The following FCHSD2 variants were observed in gnomAD, a reference collection of about 807,000 sequenced individuals.
The protein encoded by FCHSD2 is FCH and double SH3 domains 2, also known as F-BAR and double SH3 domains protein 2.
A neutral mutation model predicts 108.1 loss-of-function variants in FCHSD2; 38 were observed. The observed-to-expected ratio is 0.35, with a 90% CI of 0.27 to 0.46. The LOEUF (loss-of-function observed/expected upper bound fraction) is 0.46, where lower values mean the gene tolerates loss of function less well. Ranked by LOEUF, FCHSD2 falls within the 20% of genes least tolerant of loss-of-function variation. The probability of loss-of-function intolerance (pLI) is 1.00; values close to 1 mark genes in which losing one functional copy is unlikely to be tolerated. For synonymous variants in FCHSD2, 279 were observed against 314.7 expected (o/e 0.89, Z 1.20); for missense variants, 751 against 897.8 (o/e 0.84, Z 2.09).
intron 10 of FCHSD2, among the ~76,000 whole-genome samples, chr11:72,892,897 C>T (rs1054402472): frequency 3.5e-5 from 2 of 57,842 alleles, no homozygotes; most frequent in Non-Finnish European, 6.6e-5. Context: ...AGCCACCGTG[C>T]GTGGCTGGTA....
At chr11:72,844,026 A>G (rs1484212154) in intron 14 of FCHSD2, among the ~76,000 whole-genome samples, 1 of 151,968 alleles carries the variant, frequency 6.6e-6, no homozygotes, top group African/African-American at 2.4e-5. Context: ...CAAACAAAAA[A>G]AGAGAGCACT....
At chr11:73,051,203 G>A (rs1858890670) in intron 3 of FCHSD2, among the ~76,000 whole-genome samples, 1 of 152,018 alleles carries the variant, frequency 6.6e-6, no homozygotes, top group Non-Finnish European at 1.5e-5. Flanking sequence ...TGCTGCCAGT[G>A]GTGTTGCATG....
intron 4 of FCHSD2, among the ~76,000 whole-genome samples, chr11:73,013,483 G>A (rs1331903574): frequency 2.6e-5 from 4 of 152,220 alleles, no homozygotes; most frequent in Non-Finnish European, 5.9e-5. Flanking sequence ...TAATCCTAAG[G>A]TCTACTTTAA....
In FCHSD2 at chr11:73,018,843, A is replaced by G. The variant is rs536885732; in HGVS notation, c.166-2958T>C. ...GACCATCTTCACTATTTTAAGAGAA[A>G]TATGTGTGGGTATTCCAAAGCAGTT... On this transcript the variant is annotated intron_variant, in intron 3 of 19. Coordinates refer to ENST00000409418, the MANE Select transcript of FCHSD2 (RefSeq NM_014824.3). Among the ~76,000 whole-genome samples the G allele has an allele frequency of 3.9e-5, 6 of 152,190 alleles. No individual in the cohort carries two copies. In the South Asian group the frequency reaches 1.2e-3, roughly 31 times the overall value.
At chr11:73,015,744 C>A in intron 4 of FCHSD2, 65 bp downstream of exon 4, 2 of 903,368 alleles carry the variant, frequency 2.2e-6, no homozygotes, top group Non-Finnish European at 3.5e-6. Flanking sequence ...GTTACATTAT[C>A]TATATGTAAC....
chr11:72,894,706 T>C (rs1206695384), intron 10 of FCHSD2, among the ~76,000 whole-genome samples: 1 of 152,146 alleles, frequency 6.6e-6, no homozygotes, highest in Non-Finnish European at 1.5e-5. Context: ...ATTCTGAAAT[T>C]CAAAATGCTC....
chr11:72,850,291 C>T (rs1428175953), intron 13 of FCHSD2, among the ~76,000 whole-genome samples: 2 of 151,988 alleles, frequency 1.3e-5, no homozygotes, highest in Admixed American at 1.3e-4. Context: ...TCTTGAACTC[C>T]TGGCCTCAAG....
intron 3 of FCHSD2, among the ~76,000 whole-genome samples, chr11:73,066,293 A>G (rs1859290657): frequency 6.6e-6 from 1 of 152,212 alleles, no homozygotes; most frequent in African/African-American, 2.4e-5. Flanking sequence ...CTGGCTAGCC[A>G]TATGCAGAAA....
chr11:73,088,202 T>G (rs1859869233), intron 2 of FCHSD2, among the ~76,000 whole-genome samples: 1 of 152,222 alleles, frequency 6.6e-6, no homozygotes, highest in Non-Finnish European at 1.5e-5. Context: ...ATATTTTTGT[T>G]GTATCTTTCC....
chr11:72,846,422 C>T (rs1419315774), intron 14 of FCHSD2, among the ~76,000 whole-genome samples: 1 of 152,104 alleles, frequency 6.6e-6, no homozygotes. Context: ...CCTCGCGATT[C>T]GCCCGCCTTG....
chr11:73,032,900 C>T (rs897042479), intron 3 of FCHSD2, among the ~76,000 whole-genome samples: 1 of 152,056 alleles, frequency 6.6e-6, no homozygotes, highest in Non-Finnish European at 1.5e-5. Context: ...CTTAAGACAA[C>T]AGGAAATCAA....
intron 5 of FCHSD2, among the ~76,000 whole-genome samples, chr11:73,000,018 T>G (rs896063312): frequency 1.3e-5 from 2 of 152,214 alleles, no homozygotes; most frequent in African/African-American, 4.8e-5. Context: ...TATACAAATA[T>G]GTTTAACTGA....
chr11:72,852,375 A>G (rs563336705), intron 13 of FCHSD2, among the ~76,000 whole-genome samples: 8 of 152,218 alleles, frequency 5.3e-5, no homozygotes, highest in Non-Finnish European at 8.8e-5. Flanking sequence ...TACTGGACAC[A>G]TACCCAAAGG....
rs1158593220 is a variant in FCHSD2, at chr11:72,854,356, G to GT, written c.1309-4468dup. On this transcript the variant is annotated intron_variant, in intron 13 of 19. Coordinates refer to ENST00000409418, the MANE Select transcript of FCHSD2 (RefSeq NM_014824.3). ...TGAGAGATGAATGGATAAGTAAAATGTATGTATATACCACAAACCAAATAA... is the reference window on the plus strand; with the variant it reads ...TGAGAGATGAATGGATAAGTAAAATGTTATGTATATACCACAAACCAAATAA... Among the ~76,000 whole-genome samples the GT allele has an allele frequency of 2.6e-5, 4 of 152,330 alleles. No individual in the cohort carries two copies. In the East Asian group the frequency reaches 7.7e-4, roughly 29 times the overall value.
intron 9 of FCHSD2, among the ~76,000 whole-genome samples, chr11:72,911,676 T>C: frequency 6.6e-6 from 1 of 152,154 alleles, no homozygotes. Flanking sequence ...CTTCCTTTTT[T>C]ATTTTTATTA....
At chr11:72,973,091 G>T (rs1260577253) in intron 8 of FCHSD2, among the ~76,000 whole-genome samples, 1 of 152,142 alleles carries the variant, frequency 6.6e-6, no homozygotes. Flanking sequence ...AGTTATGGCC[G>T]GGCGCGGTGG....
intron 3 of FCHSD2, among the ~76,000 whole-genome samples, chr11:73,050,460 G>A (rs538247381): frequency 2.0e-4 from 31 of 152,166 alleles, no homozygotes; most frequent in African/African-American, 6.5e-4. Context: ...TATATGGGAC[G>A]GGTCACCTTT....
chr11:72,879,893 A>C (rs1028873049), intron 12 of FCHSD2, among the ~76,000 whole-genome samples: 3 of 151,200 alleles, frequency 2.0e-5, no homozygotes, highest in Non-Finnish European at 2.9e-5. Context: ...CAGCTACTTG[A>C]GAGACTGAGG....
At chr11:73,109,337 G>T (rs1860426852) in intron 2 of FCHSD2, among the ~76,000 whole-genome samples, 1 of 152,156 alleles carries the variant, frequency 6.6e-6, no homozygotes, top group South Asian at 2.1e-4. Flanking sequence ...TAACAATATT[G>T]ATTCTCCCAA....
Sources: gnomAD v4.1 joint callset for allele counts (sites outside exome capture counted in the v4.1 genomes callset) on GRCh38, gnomAD v4.1.1 for gene constraint, MANE v1.5 for transcripts, NCBI Gene and HGNC (gene_info 2026-07-23, HGNC 2026-07-21) for gene names.